Variants in DGKZ observed in about 807,000 individuals in gnomAD.
The protein encoded by DGKZ is DAG kinase zeta.
A neutral mutation model predicts 142.5 loss-of-function variants in DGKZ; 45 were observed. That is an observed-to-expected ratio of 0.32 (90% CI 0.25 to 0.40). The LOEUF (loss-of-function observed/expected upper bound fraction) is 0.40. Among genes scored for constraint, DGKZ ranks in the 10% least tolerant of loss-of-function variants. The pLI, the probability that DGKZ is intolerant of heterozygous loss-of-function variation, is 1.00. For missense variants in DGKZ, 755 were observed against 1,306.5 expected (o/e 0.58, Z 6.51); for synonymous variants, 442 against 527.0 (o/e 0.84, Z 2.21).
At chr11:46,376,961 T>A in intron 24 of DGKZ, 112 bp from the exon 25 acceptor site, 1 of 978,028 alleles carries the variant, frequency 1.0e-6, no homozygotes. Context: ...CCTGGCCACC[T>A]CCTTTCAGTG....
rs115120504 is a variant in DGKZ, at chr11:46,366,250, G to A, written c.162-1041G>A. 3.1e-3 allele frequency: 4,852 copies of A among 1,567,348 alleles called. 134 individuals are homozygous for A. The African/African-American group carries it at 0.059, about 19-fold the overall frequency. On this transcript the variant is annotated intron_variant, in intron 1 of 30. Coordinates refer to ENST00000527911, the Ensembl canonical transcript of DGKZ. ...CGGTCTCTGTGCCCAACAGCCAACC[G>A]CCTGCCATGGAGACTTTCTTTAGGA...
Position 46,367,542 on chromosome 11 carries a change from G to C in DGKZ, c.271-110G>C, listed in dbSNP as rs1943451654. 7.9e-7 allele frequency: 1 copy of C among 1,273,218 alleles called. No individual in the cohort carries two copies. Among genetic ancestry groups the C allele is most frequent in the Non-Finnish European group, 1.1e-6 (1 of 923,658 alleles). The allele number at this position is 1,273,218 out of a possible 1,614,324, so 78.9% of individuals were successfully genotyped here. A position where few individuals can be genotyped will look rare whatever the true frequency, so the allele number is the denominator to read the frequency against. On this transcript the variant is annotated intron_variant, in intron 2 of 30. Transcript: ENST00000527911. The surrounding 1 kb of genome is among the most constrained non-coding windows in gnomAD (Gnocchi z 4.1). ...GGGGCAGACGGAACAGAGCAGGGTC[G>C]ATCGGGGCGCTGGAGTGGGTTTGTC... is the stretch of plus-strand genomic sequence containing the variant.
rs201294001 is a variant in DGKZ, at chr11:46,379,480, G to C, written c.2600G>C (p.Cys867Ser). The C allele has an allele frequency of 1.2e-4, 187 of 1,610,634 alleles. 2 individuals carry two copies. Among genetic ancestry groups the C allele is most frequent in the Middle Eastern group, 5.0e-4 (3 of 6,054 alleles). Residue 867 changes from cysteine (C) to serine (S), a missense_variant, in exon 30 of 31, where the codon TGT becomes TCT. By Grantham distance (112) the Cys-to-Ser change is moderately radical (BLOSUM62 -1). Coordinates refer to ENST00000527911, the Ensembl canonical transcript of DGKZ. ...CCCTGCTCCCCCAGCGGGGAGACCTGTTTGCACCAAGCAGCGGCCCTGGGC... is the reference window on the plus strand; with the variant it reads ...CCCTGCTCCCCCAGCGGGGAGACCTCTTTGCACCAAGCAGCGGCCCTGGGC...
At position 46,378,809 on chromosome 11, in the gene DGKZ, G is replaced by T. The variant is rs1944864848; in HGVS notation, c.2419-182G>T. The stretch of plus-strand genomic sequence containing the variant: ...GCTGCCAGAGAGCCCACAGGCTGTG[G>T]GGTGAGAGGCCCCTCCTCCGGTGTG... On this transcript the variant is annotated intron_variant, in intron 27 of 30. Coordinates refer to ENST00000527911, the Ensembl canonical transcript of DGKZ. 1.0e-5 allele frequency: 11 copies of T among 1,062,460 alleles called. No individual in the cohort carries two copies. In the South Asian group the frequency reaches 1.3e-4, roughly 13 times the overall value. 65.8% of individuals were successfully genotyped at this position (1,062,460 alleles called of 1,614,324 possible).
intron 1 of DGKZ, chr11:46,366,989 G>A (rs1244795396): frequency 6.6e-7 from 1 of 1,515,146 alleles, no homozygotes; most frequent in East Asian, 2.4e-5. Flanking sequence ...GCTCGCGTAG[G>A]TATAGCTGTG....
At chr11:46,355,572 A>T (rs1170218776) in intron 1 of DGKZ, among the ~76,000 whole-genome samples, 1 of 152,158 alleles carries the variant, frequency 6.6e-6, no homozygotes, top group East Asian at 1.9e-4. Context: ...GCTTAGCTTG[A>T]GGTCATGTAG....
intron 1 of DGKZ, among the ~76,000 whole-genome samples, chr11:46,353,977 C>T (rs1023751459): frequency 2.6e-5 from 4 of 152,168 alleles, no homozygotes; most frequent in African/African-American, 7.2e-5. Context: ...CAGAGAGAGG[C>T]GGGGGCGGTT....
chr11:46,351,175 G>A (rs181640286), intron 1 of DGKZ, among the ~76,000 whole-genome samples: 24 of 152,152 alleles, frequency 1.6e-4, no homozygotes, highest in Admixed American at 3.3e-4. Context: ...CCTCTGGCCT[G>A]GTCTCAGCAG....
rs751403055 is a variant in DGKZ, at chr11:46,367,035, TGGCCTGGGCATG to T, written c.162-250_162-239del. 49 of 1,473,956 alleles carry T rather than the reference TGGCCTGGGCATG, an allele frequency of 3.3e-5. No individual in the cohort carries two copies. The highest frequency in any genetic ancestry group is 4.3e-5 in the Non-Finnish European group (48 of 1,116,352). 91.3% of individuals were successfully genotyped at this position (1,473,956 alleles called of 1,614,324 possible). A position where few individuals can be genotyped will look rare whatever the true frequency, so the allele number is the denominator to read the frequency against. Reference sequence around the variant, plus strand: ...CGAGTGGTGTGACCTCCTGTGGGTCTGGCCTGGGCATGGGCCTTGAAGCTCTGCCTGGCTGAG... The same window carrying T: ...CGAGTGGTGTGACCTCCTGTGGGTCTGGCCTTGAAGCTCTGCCTGGCTGAG... On this transcript the variant is annotated intron_variant, in intron 1 of 30. Coordinates refer to ENST00000527911, the Ensembl canonical transcript of DGKZ. This position sits in a 1 kb window ranked among gnomAD's most constrained non-coding sequence, Gnocchi z 4.1.
chr11:46,375,090 G>A (rs1180788496), intron 19 of DGKZ, 45 bp downstream of exon 19: 10 of 1,503,850 alleles, frequency 6.6e-6, no homozygotes, highest in Non-Finnish European at 8.9e-6. Context: ...ACAGCCCAAA[G>A]GTGGAAGGGG....
chr11:46,376,980 C>A, intron 24 of DGKZ, 93 bp from the exon 25 acceptor site: 2 of 1,172,432 alleles, frequency 1.7e-6, no homozygotes, highest in East Asian at 4.8e-5. Context: ...TGTTTGTGCT[C>A]ATGGCAGAGG....
intron 1 of DGKZ, among the ~76,000 whole-genome samples, chr11:46,334,872 G>T (rs1345488838): frequency 6.6e-6 from 1 of 152,168 alleles, no homozygotes; most frequent in African/African-American, 2.4e-5. Flanking sequence ...TGTCAGCCTG[G>T]GAGTCAGAAG....
At chr11:46,373,296 T>G (rs548867262) in intron 14 of DGKZ, among the ~76,000 whole-genome samples, 195 bp downstream of exon 14, 52 of 143,000 alleles carry the variant, frequency 3.6e-4, no homozygotes, top group East Asian at 3.4e-3. Context: ...TTTTTTTTTT[T>G]TTTTTTTTGA....
chr11:46,367,738 C>A lies in DGKZ; in HGVS notation c.357C>A (p.Ala119=). Residue 119 remains alanine (A), a synonymous_variant, in exon 3 of 31, where the codon GCC becomes GCA. Coordinates refer to ENST00000527911, the Ensembl canonical transcript of DGKZ. This position sits in a 1 kb window ranked among gnomAD's most constrained non-coding sequence, Gnocchi z 4.1. ...ACGTTGGGGAGCAGTACTGTGTAGCCAGGATGCTGGTGAGTGCTCGTAGGG... is the reference window on the plus strand; with the variant it reads ...ACGTTGGGGAGCAGTACTGTGTAGCAAGGATGCTGGTGAGTGCTCGTAGGG... The A allele has an allele frequency of 6.2e-7, 1 of 1,612,790 alleles. No homozygotes were observed. Among genetic ancestry groups the A allele is most frequent in the Non-Finnish European group, 8.5e-7 (1 of 1,179,682 alleles).
upstream of DGKZ, chr11:46,347,261 G>T: frequency 1.0e-6 from 1 of 968,668 alleles, no homozygotes; most frequent in African/African-American, 1.8e-5. The surrounding 1 kb of genome is among the most constrained non-coding windows in gnomAD (Gnocchi z 6.4). Flanking sequence ...CAGGCGGGCC[G>T]GGCCGGGCTG....
intron 8 of DGKZ, 44 bp from the exon 9 acceptor site, chr11:46,371,660 C>G: frequency 5.0e-6 from 8 of 1,613,830 alleles, no homozygotes; most frequent in Non-Finnish European, 6.8e-6. Flanking sequence ...GCCAGCTACC[C>G]CAGCCTGCCC....
intron 14 of DGKZ, 29 bp from the exon 15 acceptor site, chr11:46,374,128 C>T: frequency 6.2e-7 from 1 of 1,613,418 alleles, no homozygotes; most frequent in Non-Finnish European, 8.5e-7. Context: ...AGGCCCAGCC[C>T]TCATTTTGGT....
intron 1 of DGKZ, among the ~76,000 whole-genome samples, chr11:46,352,533 G>A (rs1389666321): frequency 1.3e-5 from 2 of 152,190 alleles, no homozygotes; most frequent in Non-Finnish European, 2.9e-5. Context: ...CCTTGACTCA[G>A]CCAAGTTCTC....
At chr11:46,344,523 G>A (rs570909768), upstream of DGKZ, among the ~76,000 whole-genome samples, 7 of 147,380 alleles carry the variant, frequency 4.7e-5, no homozygotes, top group Middle Eastern at 3.4e-3. Context: ...GCGCGAACTC[G>A]GCTCATCACA....
Sources: gnomAD v4.1 joint callset for allele counts (sites outside exome capture counted in the v4.1 genomes callset) on GRCh38, gnomAD v4.1.1 for gene constraint, Gnocchi (gnomAD v3.1) non-coding constraint, MANE v1.5 for transcripts, NCBI Gene and HGNC (gene_info 2026-07-23, HGNC 2026-07-21) for gene names.